OSMR: variants seen among roughly 807,000 people sequenced by gnomAD.
The protein encoded by OSMR is oncostatin M receptor.
Under a neutral mutation model 99.9 loss-of-function variants are expected in OSMR, and 81 were observed. That is an observed-to-expected ratio of 0.81 (90% CI 0.68 to 0.97). The LOEUF (loss-of-function observed/expected upper bound fraction) is 0.97. Ranked by LOEUF, OSMR falls within the 50% of genes least tolerant of loss-of-function variation. OSMR has a pLI of 0.00. For synonymous variants in OSMR, 406 were observed against 410.4 expected (o/e 0.99, Z 0.13); for missense variants, 1,099 against 1,153.4 (o/e 0.95, Z 0.68).
At chr5:38,892,934 G>T (rs1369592643) in intron 7 of OSMR, among the ~76,000 whole-genome samples, 1 of 152,110 alleles carries the variant, frequency 6.6e-6, no homozygotes, top group Non-Finnish European at 1.5e-5. Flanking sequence ...GCCAGGGCTA[G>T]TGCTTGTGCT....
Position 38,931,874 on chromosome 5 carries a change from C to T in OSMR, c.2213-9C>T. On this transcript the variant is annotated splice_polypyrimidine_tract_variant and intron_variant, in intron 15 of 17. Coordinates refer to ENST00000274276, the MANE Select transcript of OSMR (RefSeq NM_003999.3). ...TATTAAAAATGTCCCTTTCTTTTTC[C>T]TCGTTCAGCCTCGATGCTGATTCAT... The T allele has an allele frequency of 6.2e-7, 1 of 1,611,882 alleles. No individual in the cohort carries two copies. Among genetic ancestry groups the T allele is most frequent in the Non-Finnish European group, 8.5e-7 (1 of 1,178,254 alleles).
chr5:38,864,658 T>C (rs903940835), intron 1 of OSMR, among the ~76,000 whole-genome samples: 1 of 152,088 alleles, frequency 6.6e-6, no homozygotes, highest in South Asian at 2.1e-4. Flanking sequence ...TATGACTTGA[T>C]GCTTTTCTCT....
At chr5:38,876,684 A>G (rs186466548) in intron 3 of OSMR, among the ~76,000 whole-genome samples, 7 of 152,290 alleles carry the variant, frequency 4.6e-5, no homozygotes, top group East Asian at 1.9e-4. Context: ...AGATTAACCA[A>G]TTCATTCCTC....
chr5:38,928,621 G>A (rs886547480), intron 15 of OSMR, among the ~76,000 whole-genome samples: 1 of 151,998 alleles, frequency 6.6e-6, no homozygotes, highest in East Asian at 1.9e-4. Context: ...CCTCCCACCA[G>A]GTCCCTCCCA....
chr5:38,895,798 G>A (rs531558350), intron 7 of OSMR, among the ~76,000 whole-genome samples: 1 of 152,158 alleles, frequency 6.6e-6, no homozygotes, highest in East Asian at 1.9e-4. Context: ...TTAGATTTAA[G>A]TCTTTAACAC....
chr5:38,928,383 A>G (rs772045985), intron 15 of OSMR, among the ~76,000 whole-genome samples: 15 of 152,192 alleles, frequency 9.9e-5, no homozygotes, highest in Non-Finnish European at 2.1e-4. Context: ...TGGGTAATTT[A>G]TAAAGGAAAC....
At chr5:38,894,406 AAAAAAG>A (rs946805030) in intron 7 of OSMR, among the ~76,000 whole-genome samples, 3 of 152,062 alleles carry the variant, frequency 2.0e-5, no homozygotes, top group Non-Finnish European at 4.4e-5. Context: ...GAAAAAGAAA[AAAAAAG>A]AAAAAACAAG....
chr5:38,880,032 G>A lies in OSMR; in HGVS notation c.247-1561G>A, dbSNP rs572181593. On this transcript the variant is annotated intron_variant, in intron 3 of 17. Coordinates refer to ENST00000274276, the MANE Select transcript of OSMR (RefSeq NM_003999.3). ...GTGATCTAGGAGTAAAGTAATGCAA[G>A]AAATGGAAATAAAATATAAACATTT... Among the ~76,000 whole-genome samples, 160 of 152,216 alleles carry A rather than the reference G, an allele frequency of 1.1e-3. 3 individuals are homozygous for A. The highest frequency in any genetic ancestry group is 3.7e-3 in the African/African-American group (155 of 41,530).
At chr5:38,913,950 G>A (rs1745757152) in intron 9 of OSMR, among the ~76,000 whole-genome samples, 1 of 152,170 alleles carries the variant, frequency 6.6e-6, no homozygotes, top group South Asian at 2.1e-4. Context: ...ATCAGGGCAG[G>A]AGCCTTCTTC....
At chr5:38,879,622 C>CTTT (rs1173567281) in intron 3 of OSMR, among the ~76,000 whole-genome samples, 3 of 131,228 alleles carry the variant, frequency 2.3e-5, no homozygotes, top group African/African-American at 8.7e-5. Context: ...ATATTTGCTC[C>CTTT]TTTTTTTTTT....
chr5:38,865,133 A>G (rs576010461), intron 1 of OSMR, among the ~76,000 whole-genome samples: 12 of 152,320 alleles, frequency 7.9e-5, no homozygotes, highest in Admixed American at 6.5e-4. Context: ...TATCATTCAG[A>G]TATGAATTGT....
chr5:38,923,859 C>T (rs988717657), intron 13 of OSMR, among the ~76,000 whole-genome samples: 1 of 152,112 alleles, frequency 6.6e-6, no homozygotes, highest in African/African-American at 2.4e-5. Flanking sequence ...TGTGCACGGT[C>T]CAAGTGTGCA....
chr5:38,943,352 T>C lies in OSMR; in HGVS notation c.75-849T>C, dbSNP rs1260054239. 4 of 163,960 alleles carry C rather than the reference T, an allele frequency of 2.4e-5. 1 individual carries two copies. Among genetic ancestry groups the C allele is most frequent in the Admixed American group, 2.4e-4 (4 of 16,572 alleles). The allele number at this position is 163,960 out of a possible 1,614,324, so 10.2% of individuals were successfully genotyped here. ...TAACATCCCTGACTGGGCTATTTCT[T>C]TGGATACTTCAAATAGCAGCTTTTA... On this transcript the variant is annotated intron_variant and NMD_transcript_variant, in intron 1 of 2. Coordinates refer to the OSMR transcript ENST00000508882.
In OSMR at chr5:38,861,156, T is replaced by C. The variant is rs564271426; in HGVS notation, c.-13-7876T>C. On this transcript the variant is annotated intron_variant, in intron 1 of 17. Transcript: ENST00000274276. ...GAAATTTTTATTGATCATTCTTGGG[T>C]GTTTCTCACAGAGGGGGATTTGGCA... Among the ~76,000 whole-genome samples, 6 of 152,304 alleles carry C rather than the reference T, an allele frequency of 3.9e-5. No homozygotes were observed. In the South Asian group the frequency reaches 6.2e-4, roughly 16 times the overall value.
At chr5:38,899,467 A>C (rs1744752546) in intron 7 of OSMR, among the ~76,000 whole-genome samples, 1 of 151,970 alleles carries the variant, frequency 6.6e-6, no homozygotes, top group Non-Finnish European at 1.5e-5. Flanking sequence ...AATCCCCTTT[A>C]CTTTTCTCAA....
Position 38,933,018 on chromosome 5 carries a change from T to G in OSMR, c.2514T>G (p.Leu838=). The change falls in exon 18 of 18, where the codon CTT becomes CTG. Residue 838 remains leucine, a synonymous_variant. Transcript: ENST00000274276. The part of the protein sequence containing the change: ...TETELTKPNY[L]YLLPTEKNHS... ...CCGAGTTGACTAAGCCTAACTACCT[T>G]TATCTCCTTCCAACAGAAAAGAATC... 6.2e-7 allele frequency: 1 copy of G among 1,614,132 alleles called. No homozygotes were observed.
chr5:38,860,714 C>A (rs1010239905), intron 1 of OSMR, among the ~76,000 whole-genome samples: 1 of 152,102 alleles, frequency 6.6e-6, no homozygotes, highest in Non-Finnish European at 1.5e-5. Flanking sequence ...CTGTTGTCGC[C>A]CAGGCTGGAG....
At chr5:38,944,541 T>C in intron 2 of OSMR, 1 of 1,608,184 alleles carries the variant, frequency 6.2e-7, no homozygotes, top group Non-Finnish European at 8.5e-7. Flanking sequence ...TACGGCACAT[T>C]GGTGTATCAT....
chr5:38,908,806 A>G (rs1275432487), intron 9 of OSMR, among the ~76,000 whole-genome samples: 2 of 152,248 alleles, frequency 1.3e-5, no homozygotes, highest in African/African-American at 4.8e-5. Flanking sequence ...GACTAAAGGA[A>G]CATCAGCCCA....
Sources: allele counts gnomAD v4.1 joint callset (sites outside exome capture counted in the v4.1 genomes callset), GRCh38; gene constraint gnomAD v4.1.1; transcripts MANE v1.5; gene names NCBI Gene and HGNC (gene_info 2026-07-23, HGNC 2026-07-21).